The following TMEM132C variants were observed in gnomAD, a reference collection of about 807,000 sequenced individuals.
TMEM132C encodes the protein transmembrane protein 132C.
Under a neutral mutation model 61.4 loss-of-function variants are expected in TMEM132C, and 29 were observed. That is an observed-to-expected ratio of 0.47 (90% CI 0.35 to 0.64). The LOEUF (loss-of-function observed/expected upper bound fraction) is 0.64, where lower values mean the gene tolerates loss of function less well. Ranked by LOEUF, TMEM132C falls within the 30% of genes least tolerant of loss-of-function variation. The pLI, the probability that TMEM132C is intolerant of heterozygous loss-of-function variation, is 0.00. For missense variants in TMEM132C, 1,408 were observed against 1,476.9 expected (o/e 0.95, Z 0.76); for synonymous variants, 656 against 633.1 (o/e 1.04, Z -0.54).
intron 1 of TMEM132C, among the ~76,000 whole-genome samples, chr12:128,386,569 G>T (rs1874588469): frequency 6.6e-6 from 1 of 152,126 alleles, no homozygotes; most frequent in Non-Finnish European, 1.5e-5. Flanking sequence ...GGAAATAAGA[G>T]AAATAAAAAT....
At chr12:128,348,497 G>C (rs77358692) in intron 1 of TMEM132C, among the ~76,000 whole-genome samples, 2,107 of 152,282 alleles carry the variant, frequency 0.014, 62 homozygotes, top group African/African-American at 0.048. Flanking sequence ...AAACATCTTT[G>C]TTCTACTATT....
chr12:128,393,914 A>G (rs1429073451), intron 1 of TMEM132C, among the ~76,000 whole-genome samples: 1 of 152,200 alleles, frequency 6.6e-6, no homozygotes, highest in Non-Finnish European at 1.5e-5. Context: ...CGGCCTGGAT[A>G]TTGGCACACA....
intron 3 of TMEM132C, among the ~76,000 whole-genome samples, chr12:128,593,059 CT>C (rs935523149): frequency 2.8e-5 from 3 of 106,684 alleles, no homozygotes; most frequent in Non-Finnish European, 6.0e-5. Flanking sequence ...TCTGTCTTCT[CT>C]TTCTTTCCTT....
At chr12:128,334,655 G>T (rs932699628) in intron 1 of TMEM132C, among the ~76,000 whole-genome samples, 1 of 150,572 alleles carries the variant, frequency 6.6e-6, no homozygotes, top group Non-Finnish European at 1.5e-5. Flanking sequence ...GAGTGCAGTA[G>T]CCCAATCTCA....
intron 3 of TMEM132C, among the ~76,000 whole-genome samples, chr12:128,588,114 A>G (rs1875617203): frequency 2.0e-5 from 3 of 152,146 alleles, no homozygotes; most frequent in South Asian, 4.1e-4. Flanking sequence ...CAGAGTACAG[A>G]AGACATTGGT....
At chr12:128,470,531 A>G (rs1551601) in intron 2 of TMEM132C, among the ~76,000 whole-genome samples, 11,378 of 152,204 alleles carry the variant, frequency 0.075, 1,383 homozygotes, top group African/African-American at 0.25. Flanking sequence ...AGGACAGGCC[A>G]GTGGAGGAGA....
At position 128,448,205 on chromosome 12, in the gene TMEM132C, C is replaced by G. The variant is rs1450026142; in HGVS notation, c.974+32585C>G. ...ATCACATAACTAGTAGTTGGTGGAG[C>G]TGGGATTTGAACCCTAATGATATAG... On this transcript the variant is annotated intron_variant, in intron 2 of 8. Coordinates refer to ENST00000435159, the MANE Select transcript of TMEM132C (RefSeq NM_001136103.3). 2.0e-5 allele frequency among the ~76,000 whole-genome samples: 3 copies of G among 152,288 alleles called. No individual in the cohort carries two copies. The South Asian group carries it at 6.2e-4, about 32-fold the overall frequency.
At chr12:128,625,383 C>T (rs1257543156) in intron 4 of TMEM132C, among the ~76,000 whole-genome samples, 2 of 152,148 alleles carry the variant, frequency 1.3e-5, no homozygotes, top group South Asian at 2.1e-4. Flanking sequence ...GGCAAATGAG[C>T]TCTCTGAAGT....
chr12:128,622,360 AATATATATATAT>A lies in TMEM132C; in HGVS notation c.1305+6055_1305+6066del, dbSNP rs767066742. Among the ~76,000 whole-genome samples, 77 of 30,032 alleles carry A rather than the reference AATATATATATAT, an allele frequency of 2.6e-3. 1 individual carries two copies. The highest frequency in any genetic ancestry group is 0.033 in the Middle Eastern group (1 of 30). 19.7% of individuals were successfully genotyped at this position (30,032 alleles called of 152,430 possible). A position where few individuals can be genotyped will look rare whatever the true frequency, so the allele number is the denominator to read the frequency against. ...CTTTGTCTCAAAAAAAAAAAAAAAAAATATATATATATATATATATATATATATATATATATA... is the reference window on the plus strand; with the variant it reads ...CTTTGTCTCAAAAAAAAAAAAAAAAAATATATATATATATATATATATATA... On this transcript the variant is annotated intron_variant, in intron 4 of 8. Coordinates refer to ENST00000435159, the MANE Select transcript of TMEM132C (RefSeq NM_001136103.3).
chr12:128,641,760 A>G (rs1194212472), intron 4 of TMEM132C, among the ~76,000 whole-genome samples: 1 of 152,166 alleles, frequency 6.6e-6, no homozygotes, highest in Non-Finnish European at 1.5e-5. Context: ...ACGGGAAACT[A>G]ATCTAAAATT....
chr12:128,491,530 T>C (rs948173887), intron 2 of TMEM132C, among the ~76,000 whole-genome samples: 10 of 152,160 alleles, frequency 6.6e-5, no homozygotes, highest in African/African-American at 2.4e-4. Context: ...AACAGCCCAA[T>C]GGATTCCCTG....
At position 128,479,867 on chromosome 12, in the gene TMEM132C, G is replaced by T. The variant is rs575986812; in HGVS notation, c.975-64090G>T. On this transcript the variant is annotated intron_variant, in intron 2 of 8. Coordinates refer to ENST00000435159, the MANE Select transcript of TMEM132C (RefSeq NM_001136103.3). ...CATGTGAGTATTGTGAGAACAGTAAGAATTAATATAGATTGAGTGCTTAAA... is the reference window on the plus strand; with the variant it reads ...CATGTGAGTATTGTGAGAACAGTAATAATTAATATAGATTGAGTGCTTAAA... Among the ~76,000 whole-genome samples, 13 of 152,310 alleles carry T rather than the reference G, an allele frequency of 8.5e-5. No individual in the cohort carries two copies. The East Asian group carries it at 2.3e-3, about 27-fold the overall frequency.
chr12:128,425,429 G>T (rs1565932248), intron 2 of TMEM132C, among the ~76,000 whole-genome samples: 1 of 152,218 alleles, frequency 6.6e-6, no homozygotes, highest in Non-Finnish European at 1.5e-5. Flanking sequence ...GCTCTAAAGA[G>T]AAATTAGAAA....
rs542966614 is a variant in TMEM132C at position 128,395,574 on chromosome 12, C to T, written c.86-19158C>T. 2.3e-3 allele frequency among the ~76,000 whole-genome samples: 355 copies of T among 152,304 alleles called. 2 individuals carry two copies. The highest frequency in any genetic ancestry group is 8.2e-3 in the African/African-American group (340 of 41,558). ...GCAGCTCAGCCTAGCCTGCCTTAAA[C>T]GTGTTCAGAACACTTACATTAACCT... On this transcript the variant is annotated intron_variant, in intron 1 of 8. Transcript: ENST00000435159.
intron 1 of TMEM132C, among the ~76,000 whole-genome samples, chr12:128,363,475 T>G (rs1234548665): frequency 6.6e-6 from 1 of 152,062 alleles, no homozygotes; most frequent in Non-Finnish European, 1.5e-5. Flanking sequence ...CCAATCACAG[T>G]AAAGCTAACA....
intron 1 of TMEM132C, among the ~76,000 whole-genome samples, chr12:128,340,060 A>G (rs920469340): frequency 2.0e-5 from 3 of 152,110 alleles, no homozygotes; most frequent in African/African-American, 4.8e-5. Flanking sequence ...CCCTTCCCAT[A>G]TTTACATAAG....
chr12:128,563,824 T>A (rs1874603948), intron 3 of TMEM132C, among the ~76,000 whole-genome samples: 1 of 152,232 alleles, frequency 6.6e-6, no homozygotes, highest in African/African-American at 2.4e-5. Context: ...TCATTTGGGC[T>A]GCTCAAACAA....
intron 1 of TMEM132C, among the ~76,000 whole-genome samples, chr12:128,331,665 A>G (rs182074073): frequency 5.9e-5 from 9 of 152,320 alleles, no homozygotes; most frequent in Admixed American, 3.3e-4. Context: ...TGAGAATCCA[A>G]TCATTCATTC....
At chr12:128,323,092 A>G (rs1872389408) in intron 1 of TMEM132C, among the ~76,000 whole-genome samples, 1 of 152,204 alleles carries the variant, frequency 6.6e-6, no homozygotes, top group Non-Finnish European at 1.5e-5. Flanking sequence ...AAACAAGCAA[A>G]CCAGCTAATA....
Sources: allele counts gnomAD v4.1 joint callset (sites outside exome capture counted in the v4.1 genomes callset), GRCh38; gene constraint gnomAD v4.1.1; transcripts MANE v1.5; gene names NCBI Gene and HGNC (gene_info 2026-07-23, HGNC 2026-07-21).